The following GALT variants were observed in gnomAD, a reference collection of about 807,000 sequenced individuals.
The protein encoded by GALT is UDP-glucose--hexose-1-phosphate uridylyltransferase.
In GALT, 42 loss-of-function variants were observed where a neutral mutation model predicts 55.4. The observed-to-expected ratio is 0.76, with a 90% CI of 0.59 to 0.98. GALT has a LOEUF of 0.98. Ranked by LOEUF, GALT falls within the 50% of genes least tolerant of loss-of-function variation. The pLI is 0.00. For synonymous variants in GALT, 154 were observed against 181.5 expected (o/e 0.85, Z 1.22); for missense variants, 407 against 495.7 (o/e 0.82, Z 1.70).
chr9:34,650,503 A>G lies in GALT; in HGVS notation c.*54A>G. Reference sequence around the variant, plus strand: ...TTTTTGTTTTCAACAGTCTTGCTGAATTAAGCAGAAAGGGCCTTGAATCCT... The same window carrying G: ...TTTTTGTTTTCAACAGTCTTGCTGAGTTAAGCAGAAAGGGCCTTGAATCCT... On this transcript the variant is annotated 3_prime_UTR_variant, in exon 11 of 11. Transcript: ENST00000378842. The G allele has an allele frequency of 6.5e-7, 1 of 1,539,066 alleles. No individual in the cohort carries two copies. Among genetic ancestry groups the G allele is most frequent in the Non-Finnish European group, 9.0e-7 (1 of 1,112,826 alleles).
At chr9:34,649,783 G>A (rs1821208486) in intron 10 of GALT, 2 of 562,442 alleles carry the variant, frequency 3.6e-6, no homozygotes, top group Non-Finnish European at 3.2e-6. Flanking sequence ...CAACAGTCAT[G>A]ACCCTGATAG....
chr9:34,648,657 C>T lies in GALT; in HGVS notation c.688-105C>T, dbSNP rs1039298668. On this transcript the variant is annotated intron_variant, in intron 7 of 10. Transcript: ENST00000378842. The surrounding 1 kb of genome is among the most constrained non-coding windows in gnomAD (Gnocchi z 4.9). ...AGTGGTAGAGGTGGTGAGAAGACAT[C>T]AGATCCTGGGCACATTCTTTTCTTC... is the stretch of plus-strand genomic sequence containing the variant. The T allele has an allele frequency of 5.2e-5, 80 of 1,524,908 alleles. No individual in the cohort carries two copies. In the Middle Eastern group the frequency reaches 7.0e-4, roughly 13 times the overall value. 94.5% of individuals were successfully genotyped at this position (1,524,908 alleles called of 1,614,324 possible). A position where few individuals can be genotyped will look rare whatever the true frequency, so the allele number is the denominator to read the frequency against.
In GALT at chr9:34,647,996, G is replaced by T. The variant is rs745866556; in HGVS notation, c.507+35G>T. ...GTCGCCCCTTCCCCTGGATGGGCAG[G>T]GAGGGGGTGATGAAGCTTTGGTTCT... On this transcript the variant is annotated intron_variant, in intron 5 of 10. Transcript: ENST00000378842. This position sits in a 1 kb window ranked among gnomAD's most constrained non-coding sequence, Gnocchi z 5.6. 1.9e-6 allele frequency: 3 copies of T among 1,614,196 alleles called. No individual in the cohort carries two copies. The Admixed American group carries it at 5.0e-5, about 27-fold the overall frequency.
chr9:34,649,940 T>C (rs1587241228), intron 10 of GALT: 3 of 265,994 alleles, frequency 1.1e-5, no homozygotes, highest in Non-Finnish European at 2.2e-5. Flanking sequence ...TTCATATTCA[T>C]ATTTCAAACC....
At chr9:34,646,943 G>A in intron 1 of GALT, 146 bp from the exon 2 acceptor site, 2 of 1,604,914 alleles carry the variant, frequency 1.2e-6, no homozygotes, top group Non-Finnish European at 1.7e-6. Flanking sequence ...GCCAATTGGC[G>A]CTGGGAAAGT....
Position 34,648,040 on chromosome 9 carries a change from T to C in GALT, c.508-75T>C. The C allele has an allele frequency of 1.2e-6, 2 of 1,614,154 alleles. No individual in the cohort carries two copies. The highest frequency in any genetic ancestry group is 2.2e-5 in the South Asian group (2 of 91,082). On this transcript the variant is annotated intron_variant, in intron 5 of 10. Coordinates refer to ENST00000378842, the MANE Select transcript of GALT (RefSeq NM_000155.4). This position sits in a 1 kb window ranked among gnomAD's most constrained non-coding sequence, Gnocchi z 4.9. ...TGGTTCTGGGGAGTAACATTTCTGT[T>C]TCCACAGGGTGTGGTCAGGAGGGAG...
At position 34,648,866 on chromosome 9, in the gene GALT, A is replaced by AG. The variant is rs1564101913; in HGVS notation, c.792_793insG (p.Pro265AlafsTer2). Reference sequence around the variant, plus strand: ...TGCCCCGTCGGCATGTGCGGCGGCTACCTGAGCTGACCCCTGCTGAGCGTG... The same window carrying AG: ...TGCCCCGTCGGCATGTGCGGCGGCTAGCCTGAGCTGACCCCTGCTGAGCGTG... On this transcript the variant is annotated frameshift_variant, in exon 8 of 11. Coordinates refer to ENST00000378842, the MANE Select transcript of GALT (RefSeq NM_000155.4). LOFTEE classifies it high-confidence loss of function. This position sits in a 1 kb window ranked among gnomAD's most constrained non-coding sequence, Gnocchi z 4.9. 4 of 1,613,172 alleles carry AG rather than the reference A, an allele frequency of 2.5e-6. No individual in the cohort carries two copies. In the Admixed American group the frequency reaches 6.7e-5, roughly 27 times the overall value.
In GALT at chr9:34,650,414, G is replaced by A. The variant is rs751740223; in HGVS notation, c.1105G>A (p.Gly369Arg). Residue 369 changes from glycine to arginine, a missense_variant, in exon 11 of 11, where the codon GGG becomes AGG. Physicochemically the swap from Gly to Arg is moderately radical, Grantham distance 125. Coordinates refer to ENST00000378842, the MANE Select transcript of GALT (RefSeq NM_000155.4). ...ACTTCCTGAGGTTCATTACCACCTGGGGCAGAAGGACAGGGAGACAGCAAC... is the reference window on the plus strand; with the variant it reads ...ACTTCCTGAGGTTCATTACCACCTGAGGCAGAAGGACAGGGAGACAGCAAC... ...RALPEVHYHL[G>R]QKDRETATIA 1 of 1,614,054 alleles carries A rather than the reference G, an allele frequency of 6.2e-7. No homozygotes were observed. Among genetic ancestry groups the A allele is most frequent in the South Asian group, 1.1e-5 (1 of 91,076 alleles).
chr9:34,648,350 T>G lies in GALT; in HGVS notation c.581T>G (p.Phe194Cys). 6.2e-7 allele frequency: 1 copy of G among 1,614,188 alleles called. No individual in the cohort carries two copies. The highest frequency in any genetic ancestry group is 8.5e-7 in the Non-Finnish European group (1 of 1,180,032). Residue 194 changes from phenylalanine (F) to cysteine (C), a missense_variant, in exon 7 of 11, where the codon TTC (phenylalanine) becomes TGC (cysteine). Phe to Cys is a radical substitution (Grantham distance 205). Transcript: ENST00000378842. This position sits in a 1 kb window ranked among gnomAD's most constrained non-coding sequence, Gnocchi z 4.9. ...CCTTGACAGGTATGGGCCAGCAGTT[T>G]CCTGCCAGATATTGCCCAGCGTGAG... is the stretch of plus-strand genomic sequence containing the variant. ...HPHCQVWASS[F>C]LPDIAQREER... is the part of the protein sequence containing the mutation.
At chr9:34,650,116 C>CA (rs1251929843) in intron 10 of GALT, 41 of 481,258 alleles carry the variant, frequency 8.5e-5, no homozygotes, top group South Asian at 2.4e-4. Context: ...CTCGTCTCTA[C>CA]AAAAAAAATT....
Position 34,648,066 on chromosome 9 carries a change from T to A in GALT, c.508-49T>A, listed in dbSNP as rs774080916. 3 of 1,613,692 alleles carry A rather than the reference T, an allele frequency of 1.9e-6. No individual in the cohort carries two copies. The highest frequency in any genetic ancestry group is 2.5e-6 in the Non-Finnish European group (3 of 1,179,944). On this transcript the variant is annotated intron_variant, in intron 5 of 10. Coordinates refer to ENST00000378842, the MANE Select transcript of GALT (RefSeq NM_000155.4). The surrounding 1 kb of genome is among the most constrained non-coding windows in gnomAD (Gnocchi z 4.9). ...TCCACAGGGTGTGGTCAGGAGGGAG[T>A]TGACTTGGTGTCTTTTGGCTAACAG...
At chr9:34,649,635 T>C (rs1015943745) in intron 10 of GALT, 71 bp downstream of exon 10, 55 of 1,551,768 alleles carry the variant, frequency 3.5e-5, no homozygotes, top group Non-Finnish European at 4.7e-5. Flanking sequence ...GATACTTCTG[T>C]TGCCCTTGTG....
intron 9 of GALT, 159 bp from the exon 10 acceptor site, chr9:34,649,251 A>G: frequency 8.2e-7 from 1 of 1,217,306 alleles, no homozygotes; most frequent in Non-Finnish European, 1.2e-6. Context: ...TGGTGAAACT[A>G]CATCTCCAAT....
rs1430693450 is a variant in GALT at position 34,647,645 on chromosome 9, C to T, written c.329-12C>T. On this transcript the variant is annotated splice_polypyrimidine_tract_variant and intron_variant, in intron 3 of 10. Transcript: ENST00000378842. The surrounding 1 kb of genome is among the most constrained non-coding windows in gnomAD (Gnocchi z 5.6). ...GACTTCTGCTGCAGAGAGTGATACTCCTTTACCTCAGGACCCAGTGATCAT... is the reference window on the plus strand; with the variant it reads ...GACTTCTGCTGCAGAGAGTGATACTTCTTTACCTCAGGACCCAGTGATCAT... 1 of 1,614,042 alleles carries T rather than the reference C, an allele frequency of 6.2e-7. No individual in the cohort carries two copies. Among genetic ancestry groups the T allele is most frequent in the East Asian group, 2.2e-5 (1 of 44,886 alleles).
At position 34,648,385 on chromosome 9, in the gene GALT, C is replaced by T. The variant is rs1554709366; in HGVS notation, c.616C>T (p.Gln206Ter). ...PDIAQREERS[Q>*]QAYKSQHGEP... ...TATTGCCCAGCGTGAGGAGCGATCT[C>T]AGCAGGCCTATAAGAGTCAGCATGG... Residue 206 changes from glutamine (Q) to a stop codon, truncating the protein, a stop_gained, in exon 7 of 11, where the codon CAG becomes TAG. Transcript: ENST00000378842. LOFTEE classifies it high-confidence loss of function. This position sits in a 1 kb window ranked among gnomAD's most constrained non-coding sequence, Gnocchi z 4.9. 6.2e-7 allele frequency: 1 copy of T among 1,614,204 alleles called. No homozygotes were observed. The highest frequency in any genetic ancestry group is 1.3e-5 in the African/African-American group (1 of 75,050).
Position 34,650,566 on chromosome 9 carries a change from G to A in GALT, c.*117G>A. On this transcript the variant is annotated 3_prime_UTR_variant, in exon 11 of 11. Coordinates refer to ENST00000378842, the MANE Select transcript of GALT (RefSeq NM_000155.4). Reference sequence around the variant, plus strand: ...GGGCAGATATAGCATTAATAAAACTGTGCATCTCAAACTTTTATCACATAC... The same window carrying A: ...GGGCAGATATAGCATTAATAAAACTATGCATCTCAAACTTTTATCACATAC... 1 of 849,456 alleles carries A rather than the reference G, an allele frequency of 1.2e-6. No homozygotes were observed. Among genetic ancestry groups the A allele is most frequent in the Non-Finnish European group, 1.9e-6 (1 of 519,762 alleles). The allele number at this position is 849,456 out of a possible 1,614,324, so 52.6% of individuals were successfully genotyped here.
Position 34,649,552 on chromosome 9 carries a change from CA to C in GALT, c.1048del (p.Thr350ProfsTer9), listed in dbSNP as rs775762045. 2 of 1,614,188 alleles carry C rather than the reference CA, an allele frequency of 1.2e-6. No individual in the cohort carries two copies. The highest frequency in any genetic ancestry group is 1.1e-5 in the South Asian group (1 of 91,090). On this transcript the variant is annotated frameshift_variant, in exon 10 of 11. Transcript: ENST00000378842. LOFTEE classifies it high-confidence loss of function. Reference protein sequence around the residue: ...EMLAQAQRDLTPEQAAERLRA... With the variant: ...EMLAQAQRDLXPEQAAERLRA... ...TGCTTGCTCAGGCTCAGAGGGACCT[CA>C]CCCCTGAGCAGGTCAGGACTCAGAA...
Position 34,649,096 on chromosome 9 carries a change from G to C in GALT, c.904+15G>C. On this transcript the variant is annotated intron_variant, in intron 9 of 10. Transcript: ENST00000378842. The stretch of plus-strand genomic sequence containing the variant: ...GGGCTGGCATGGTGAGGCTTTTCAA[G>C]TACCTATATTTAGCCCCAACACCAT... 6.2e-7 allele frequency: 1 copy of C among 1,611,530 alleles called. No individual in the cohort carries two copies. Among genetic ancestry groups the C allele is most frequent in the Non-Finnish European group, 8.5e-7 (1 of 1,177,642 alleles).
Position 34,650,106 on chromosome 9 carries a change from C to T in GALT, c.1060-263C>T. ...ACTAGCCTGGGAAACATAGGAAGCC[C>T]TCGTCTCTACAAAAAAAATTTAAAA... On this transcript the variant is annotated intron_variant, in intron 10 of 10. Coordinates refer to ENST00000378842, the MANE Select transcript of GALT (RefSeq NM_000155.4). 6.6e-6 allele frequency: 3 copies of T among 457,234 alleles called. No individual in the cohort carries two copies. In the South Asian group the frequency reaches 7.3e-5, roughly 11 times the overall value. The allele number at this position is 457,234 out of a possible 1,614,324, so 28.3% of individuals were successfully genotyped here. A position where few individuals can be genotyped will look rare whatever the true frequency, so the allele number is the denominator to read the frequency against.
Sources: gnomAD v4.1 joint callset for allele counts on GRCh38, gnomAD v4.1.1 for gene constraint, Gnocchi (gnomAD v3.1) non-coding constraint, MANE v1.5 for transcripts, NCBI Gene and HGNC (gene_info 2026-07-23, HGNC 2026-07-21) for gene names.